Variants in SLC5A4 observed in about 807,000 individuals in gnomAD.
SLC5A4 encodes the protein solute carrier family 5 member 4.
A neutral mutation model predicts 70.3 loss-of-function variants in SLC5A4; 55 were observed. The ratio of observed to expected loss-of-function variants is 0.78; its 90% CI spans 0.63 to 0.98. The LOEUF (loss-of-function observed/expected upper bound fraction) is 0.98. Ranked by LOEUF, SLC5A4 falls within the 50% of genes least tolerant of loss-of-function variation. SLC5A4 has a pLI of 0.00. For missense variants in SLC5A4, 735 were observed against 839.2 expected (o/e 0.88, Z 1.53); for synonymous variants, 268 against 305.7 (o/e 0.88, Z 1.29).
the SLC5A4 span, among the ~76,000 whole-genome samples, chr22:32,339,427 G>A: frequency 2.0e-5 from 3 of 152,170 alleles, no homozygotes; most frequent in African/African-American, 7.2e-5. Flanking sequence ...CCACTGGCCC[G>A]TAGACAGGAT....
chr22:32,305,835 C>T, the SLC5A4 span, among the ~76,000 whole-genome samples: 60 of 151,436 alleles, frequency 4.0e-4, no homozygotes, highest in African/African-American at 1.3e-3. Flanking sequence ...TGGCCCTGTC[C>T]CCCCACCCCC....
chr22:32,270,916 C>T, the SLC5A4 span: 10 of 570,066 alleles, frequency 1.8e-5, no homozygotes, highest in African/African-American at 1.8e-4. Flanking sequence ...ACCGAGACCT[C>T]AGTGGCATGT....
chr22:32,302,308 TTTTTTACA>T, the SLC5A4 span, among the ~76,000 whole-genome samples: 1 of 152,064 alleles, frequency 6.6e-6, no homozygotes, highest in South Asian at 2.1e-4. Context: ...TTGAAATTTT[TTTTTTACA>T]GTCTGTAGCT....
At chr22:32,231,494 G>A (rs541685704) in intron 9 of SLC5A4, among the ~76,000 whole-genome samples, 2 of 152,382 alleles carry the variant, frequency 1.3e-5, no homozygotes, top group South Asian at 4.1e-4. Context: ...AAGAAGAGGT[G>A]TCGCTTGTGA....
chr22:32,248,636 T>C (rs1926969793), intron 4 of SLC5A4, 107 bp downstream of exon 4: 1 of 828,404 alleles, frequency 1.2e-6, no homozygotes, highest in East Asian at 2.4e-5. Flanking sequence ...GGCACCTAAA[T>C]AAAGCCTTTT....
At chr22:32,323,385 T>G in the SLC5A4 span, among the ~76,000 whole-genome samples, 1 of 152,248 alleles carries the variant, frequency 6.6e-6, no homozygotes, top group Non-Finnish European at 1.5e-5. Flanking sequence ...AAAGTCCCTT[T>G]CTTTCTACCA....
At chr22:32,321,109 A>C in the SLC5A4 span, among the ~76,000 whole-genome samples, 1 of 152,210 alleles carries the variant, frequency 6.6e-6, no homozygotes, top group Non-Finnish European at 1.5e-5. Context: ...AACATGTTGA[A>C]ACCCCATCTC....
the SLC5A4 span, among the ~76,000 whole-genome samples, chr22:32,348,088 G>C: frequency 6.6e-6 from 1 of 152,174 alleles, no homozygotes; most frequent in Non-Finnish European, 1.5e-5. Context: ...TTAAGGAAGA[G>C]AGTCTGCATA....
At chr22:32,264,587 A>G in the SLC5A4 span, among the ~76,000 whole-genome samples, 1 of 152,154 alleles carries the variant, frequency 6.6e-6, no homozygotes, top group Non-Finnish European at 1.5e-5. Context: ...AAACAAAACG[A>G]AACAAGAAAC....
the SLC5A4 span, among the ~76,000 whole-genome samples, chr22:32,281,514 C>G: frequency 2.0e-5 from 3 of 152,172 alleles, no homozygotes; most frequent in African/African-American, 7.2e-5. Flanking sequence ...CATTGTTTCT[C>G]CATCTTTATT....
chr22:32,329,721 A>G, the SLC5A4 span, among the ~76,000 whole-genome samples: 56 of 1,456 alleles, frequency 0.038, 4 homozygotes, highest in African/African-American at 0.12. Context: ...TGTGTTGGGG[A>G]CTCTGGTGTG....
At chr22:32,231,443 G>A (rs1275751775) in intron 9 of SLC5A4, among the ~76,000 whole-genome samples, 6 of 152,370 alleles carry the variant, frequency 3.9e-5, no homozygotes, top group South Asian at 4.1e-4. Flanking sequence ...GTTAGGTCCT[G>A]TGTGCAGTCA....
intron 5 of SLC5A4, among the ~76,000 whole-genome samples, chr22:32,239,521 TATATATA>T (rs1926268729): frequency 3.7e-4 from 2 of 5,370 alleles, no homozygotes; most frequent in Non-Finnish European, 5.7e-4. Flanking sequence ...GTGCATATTA[TATATATA>T]TATATATATA....
At chr22:32,281,358 T>C in the SLC5A4 span, among the ~76,000 whole-genome samples, 1 of 152,062 alleles carries the variant, frequency 6.6e-6, no homozygotes, top group Non-Finnish European at 1.5e-5. Flanking sequence ...TCCTCTGGGG[T>C]TGGGCGTGCA....
At chr22:32,254,264 G>T in intron 1 of SLC5A4, 51 bp from the exon 2 acceptor site, 1 of 1,373,214 alleles carries the variant, frequency 7.3e-7, no homozygotes, top group Non-Finnish European at 1.0e-6. Flanking sequence ...AGTGCACCCA[G>T]ACACCCCAGA....
the SLC5A4 span, among the ~76,000 whole-genome samples, chr22:32,333,419 G>GGT: frequency 1.3e-5 from 2 of 152,158 alleles, no homozygotes; most frequent in Admixed American, 6.5e-5. Context: ...AATGGGTGTA[G>GGT]GTAAGCACCT....
Position 32,254,171 on chromosome 22 carries a change from G to A in SLC5A4, c.178C>T (p.Leu60Phe). 3 of 1,613,998 alleles carry A rather than the reference G, an allele frequency of 1.9e-6. No individual in the cohort carries two copies. Among genetic ancestry groups the A allele is most frequent in the Non-Finnish European group, 2.5e-6 (3 of 1,179,906 alleles). Residue 60 changes from leucine (L) to phenylalanine (F), a missense_variant, in exon 2 of 15, where the codon CTC becomes TTC. Coordinates refer to ENST00000266086, the MANE Select transcript of SLC5A4 (RefSeq NM_014227.3). ...TNRGTIGGFF[L>F]AGRDMAWWPM... is the part of the protein sequence containing the mutation. The stretch of plus-strand genomic sequence containing the variant: ...CACCAGGCCATATCACGACCAGCGA[G>A]GAAGAAGCCTCCTATAGTACCTCGG...
the SLC5A4 span, among the ~76,000 whole-genome samples, chr22:32,291,419 C>A: frequency 6.6e-6 from 1 of 152,144 alleles, no homozygotes; most frequent in East Asian, 1.9e-4. Context: ...CCTCGTGATC[C>A]ACCCACCTTG....
chr22:32,317,537 C>T, the SLC5A4 span, among the ~76,000 whole-genome samples: 1 of 151,960 alleles, frequency 6.6e-6, no homozygotes, highest in Non-Finnish European at 1.5e-5. Context: ...ATCATAGTTC[C>T]CTGCAACCTC....
Sources: allele counts gnomAD v4.1 joint callset (sites outside exome capture counted in the v4.1 genomes callset), GRCh38; gene constraint gnomAD v4.1.1; transcripts MANE v1.5; gene names NCBI Gene and HGNC (gene_info 2026-07-23, HGNC 2026-07-21).